PRKAG2: variants seen among roughly 807,000 people sequenced by gnomAD.
PRKAG2 encodes the protein 5'-AMP-activated protein kinase subunit gamma-2.
A neutral mutation model predicts 69.6 loss-of-function variants in PRKAG2; 26 were observed. The observed-to-expected ratio is 0.37, with a 90% CI of 0.27 to 0.52. The LOEUF is 0.52. PRKAG2 is among the 20% of genes least tolerant of loss of function. PRKAG2 has a pLI of 0.90. For missense variants in PRKAG2, 557 were observed against 740.0 expected (o/e 0.75, Z 2.87); for synonymous variants, 293 against 285.0 (o/e 1.03, Z -0.28).
At chr7:151,762,283 G>A (rs889513941) in intron 3 of PRKAG2, among the ~76,000 whole-genome samples, 8 of 152,240 alleles carry the variant, frequency 5.3e-5, no homozygotes, top group Non-Finnish European at 1.2e-4. Flanking sequence ...ATGACTTTCC[G>A]CAGTAGGCAG....
chr7:151,832,595 T>TC (rs10655534), intron 1 of PRKAG2, among the ~76,000 whole-genome samples: 6 of 141,708 alleles, frequency 4.2e-5, no homozygotes, highest in African/African-American at 1.0e-4. Context: ...GAGGCATCTC[T>TC]GGGGGGGGGG....
intron 1 of PRKAG2, among the ~76,000 whole-genome samples, chr7:151,844,525 G>A (rs975681686): frequency 6.6e-6 from 1 of 152,176 alleles, no homozygotes; most frequent in African/African-American, 2.4e-5. Context: ...CCTTCCCCAT[G>A]AGCGAATCAC....
intron 3 of PRKAG2, among the ~76,000 whole-genome samples, chr7:151,779,905 T>C (rs184452792): frequency 3.8e-4 from 58 of 152,270 alleles, no homozygotes; most frequent in Admixed American, 9.2e-4. Flanking sequence ...ACGATGTTTA[T>C]ACAAGGAGAT....
intron 6 of PRKAG2, among the ~76,000 whole-genome samples, chr7:151,588,365 A>G (rs1331681132): frequency 6.9e-6 from 1 of 145,012 alleles, no homozygotes; most frequent in Admixed American, 6.9e-5. Context: ...ACAAGATCTG[A>G]TTTTTTTTTT....
chr7:151,565,989 G>T, intron 11 of PRKAG2, 104 bp from the exon 12 acceptor site: 1 of 1,349,996 alleles, frequency 7.4e-7, no homozygotes, highest in Non-Finnish European at 1.1e-6. Context: ...ATTAAAGTTA[G>T]TTTTTTCTAA....
At chr7:151,809,268 C>T (rs568391837) in intron 1 of PRKAG2, 4 of 456,602 alleles carry the variant, frequency 8.8e-6, no homozygotes, top group Non-Finnish European at 8.8e-6. Flanking sequence ...TAGGCCAGCC[C>T]GGCCCCTTCC....
At chr7:151,607,712 G>A (rs148124381) in intron 5 of PRKAG2, among the ~76,000 whole-genome samples, 2 of 152,242 alleles carry the variant, frequency 1.3e-5, no homozygotes, top group East Asian at 3.9e-4. Context: ...CTTTTCAAAG[G>A]AAGGGTTTGA....
chr7:151,661,835 C>G (rs1830366218), intron 4 of PRKAG2, among the ~76,000 whole-genome samples: 1 of 152,170 alleles, frequency 6.6e-6, no homozygotes, highest in South Asian at 2.1e-4. Context: ...GCTACTTTCT[C>G]CTGAGTCATT....
At chr7:151,789,827 A>C (rs546532115) in intron 1 of PRKAG2, among the ~76,000 whole-genome samples, 1 of 152,320 alleles carries the variant, frequency 6.6e-6, no homozygotes, top group East Asian at 1.9e-4. Flanking sequence ...GAGGAGTCTC[A>C]GGAGTCTCAG....
Position 151,588,128 on chromosome 7 carries a change from G to T in PRKAG2, c.864+7217C>A, listed in dbSNP as rs1399970735. On this transcript the variant is annotated intron_variant, in intron 6 of 15. Coordinates refer to ENST00000287878, the MANE Select transcript of PRKAG2 (RefSeq NM_016203.4). ...CTTCCCCCCACCAATCCTAGGGTGTGAGGATTCCATTATGAAGTTTTATTT... is the reference window on the plus strand; with the variant it reads ...CTTCCCCCCACCAATCCTAGGGTGTTAGGATTCCATTATGAAGTTTTATTT... Among the ~76,000 whole-genome samples the T allele has an allele frequency of 2.0e-5, 3 of 152,252 alleles. No homozygotes were observed. The East Asian group carries it at 5.8e-4, about 29-fold the overall frequency.
At chr7:151,750,893 A>T (rs982579391) in intron 3 of PRKAG2, among the ~76,000 whole-genome samples, 1 of 151,506 alleles carries the variant, frequency 6.6e-6, no homozygotes, top group Admixed American at 6.6e-5. Flanking sequence ...AAAAAAAAAA[A>T]TTTGTTAAGG....
At chr7:151,769,817 G>A (rs1408580772) in intron 3 of PRKAG2, among the ~76,000 whole-genome samples, 2 of 152,206 alleles carry the variant, frequency 1.3e-5, no homozygotes, top group Non-Finnish European at 2.9e-5. Flanking sequence ...ACATGGCCGA[G>A]GGTGCACCCC....
At chr7:151,735,890 A>G (rs1162241785) in intron 3 of PRKAG2, 2 of 1,536,224 alleles carry the variant, frequency 1.3e-6, no homozygotes, top group Admixed American at 2.0e-5. Context: ...GGGAATGGGC[A>G]GAGTCCTACC....
At chr7:151,717,262 A>G (rs915613315) in intron 3 of PRKAG2, among the ~76,000 whole-genome samples, 1 of 152,040 alleles carries the variant, frequency 6.6e-6, no homozygotes, top group Non-Finnish European at 1.5e-5. Context: ...GAAAAAAAAA[A>G]AAAAAGAAGG....
intron 3 of PRKAG2, among the ~76,000 whole-genome samples, chr7:151,688,590 G>A (rs540105622): frequency 9.2e-5 from 14 of 152,284 alleles, no homozygotes; most frequent in South Asian, 2.1e-4. Context: ...GGAACTCCGC[G>A]GCGGGCTCCC....
intron 9 of PRKAG2, among the ~76,000 whole-genome samples, chr7:151,570,772 G>A (rs138556262): frequency 5.9e-5 from 9 of 151,932 alleles, no homozygotes; most frequent in African/African-American, 1.9e-4. Context: ...CTTTTCCAAG[G>A]TTTCTTTTTT....
chr7:151,824,440 G>A (rs1053174064), intron 1 of PRKAG2, among the ~76,000 whole-genome samples: 8 of 152,176 alleles, frequency 5.3e-5, no homozygotes, highest in East Asian at 1.9e-4. Context: ...CCTAAGCCGC[G>A]GTGAATGGTA....
intron 3 of PRKAG2, among the ~76,000 whole-genome samples, chr7:151,697,207 G>A (rs1415171120): frequency 1.3e-5 from 2 of 152,128 alleles, no homozygotes; most frequent in Non-Finnish European, 2.9e-5. Context: ...GGTGTGTAGG[G>A]AGCTGCACAC....
At chr7:151,557,330 G>T in intron 15 of PRKAG2, 98 bp from the exon 16 acceptor site, 1 of 1,611,776 alleles carries the variant, frequency 6.2e-7, no homozygotes, top group Non-Finnish European at 8.5e-7. Flanking sequence ...GCCTTAGGAG[G>T]ATGATCCAGA....
Sources: allele counts gnomAD v4.1 joint callset (sites outside exome capture counted in the v4.1 genomes callset), GRCh38; gene constraint gnomAD v4.1.1; transcripts MANE v1.5; gene names NCBI Gene and HGNC (gene_info 2026-07-23, HGNC 2026-07-21).